SHISA9: variants seen among roughly 807,000 people sequenced by gnomAD.
The protein encoded by SHISA9 is shisa family member 9, also known as protein shisa-9.
SHISA9 carries 13 observed loss-of-function variants against 38.0 expected under a neutral mutation model. The ratio of observed to expected loss-of-function variants is 0.34; its 90% CI spans 0.22 to 0.54. SHISA9 has a LOEUF of 0.54. Among genes scored for constraint, SHISA9 ranks in the 20% least tolerant of loss-of-function variants. The pLI, the probability that SHISA9 is intolerant of heterozygous loss-of-function variation, is 0.91. For synonymous variants in SHISA9, 275 were observed against 242.0 expected (o/e 1.14, Z -1.27); for missense variants, 538 against 575.8 (o/e 0.93, Z 0.67).
At chr16:13,222,704 T>C (rs2051238815) in intron 4 of SHISA9, among the ~76,000 whole-genome samples, 1 of 152,074 alleles carries the variant, frequency 6.6e-6, no homozygotes, top group Non-Finnish European at 1.5e-5. Context: ...TTTCAGGAGA[T>C]GTACCATGCA....
At chr16:12,953,668 A>T (rs2071789952) in intron 2 of SHISA9, among the ~76,000 whole-genome samples, 1 of 152,062 alleles carries the variant, frequency 6.6e-6, no homozygotes, top group South Asian at 2.1e-4. Context: ...ATTAGATAAG[A>T]TATTGTGTCA....
chr16:13,123,185 T>G (rs927804466), intron 2 of SHISA9, among the ~76,000 whole-genome samples: 12 of 151,870 alleles, frequency 7.9e-5, no homozygotes, highest in Non-Finnish European at 1.8e-4. Flanking sequence ...TGAGGATGTA[T>G]GGGAGACAGA....
At chr16:13,243,954 G>C (rs960474855), downstream of SHISA9, among the ~76,000 whole-genome samples, 1 of 151,950 alleles carries the variant, frequency 6.6e-6, no homozygotes, top group Non-Finnish European at 1.5e-5. Context: ...TTGTCTTTTA[G>C]TAGAGATGGG....
At chr16:13,487,774 T>A in the SHISA9 span, among the ~76,000 whole-genome samples, 1 of 152,200 alleles carries the variant, frequency 6.6e-6, no homozygotes, top group Non-Finnish European at 1.5e-5. Flanking sequence ...CATTGTTATA[T>A]TGTTATCTGT....
intron 2 of SHISA9, among the ~76,000 whole-genome samples, chr16:12,917,872 T>G (rs1295112066): frequency 6.6e-6 from 1 of 152,220 alleles, no homozygotes; most frequent in Non-Finnish European, 1.5e-5. Context: ...TGCTGAATCA[T>G]AGTTTTGGAC....
intron 2 of SHISA9, among the ~76,000 whole-genome samples, chr16:13,190,664 G>T (rs568313750): frequency 2.0e-5 from 3 of 152,150 alleles, no homozygotes; most frequent in Non-Finnish European, 4.4e-5. Context: ...CTGCGGATCT[G>T]CCTCCTACCC....
At chr16:13,029,496 C>G (rs2072965466) in intron 2 of SHISA9, among the ~76,000 whole-genome samples, 1 of 152,156 alleles carries the variant, frequency 6.6e-6, no homozygotes, top group Non-Finnish European at 1.5e-5. Flanking sequence ...TGGTCCGAGC[C>G]TACTCGGGAG....
At chr16:13,280,168 C>A in the SHISA9 span, among the ~76,000 whole-genome samples, 12 of 103,832 alleles carry the variant, frequency 1.2e-4, no homozygotes, top group South Asian at 3.6e-3. Context: ...TTTATATCAA[C>A]TTTATTGAAA....
chr16:13,449,489 C>T, the SHISA9 span, among the ~76,000 whole-genome samples: 1 of 152,094 alleles, frequency 6.6e-6, no homozygotes, highest in Non-Finnish European at 1.5e-5. Flanking sequence ...GAGGGAACTT[C>T]CTGGAGTGAT....
At chr16:13,162,031 G>C (rs960274772) in intron 2 of SHISA9, among the ~76,000 whole-genome samples, 3 of 152,124 alleles carry the variant, frequency 2.0e-5, no homozygotes, top group African/African-American at 7.2e-5. Flanking sequence ...ACCAACCTTG[G>C]ATTAATTAGA....
chr16:13,262,631 T>TGGACGGAAGGAAGGAAGGAAGGAA, the SHISA9 span, among the ~76,000 whole-genome samples: 1 of 78,014 alleles, frequency 1.3e-5, no homozygotes, highest in South Asian at 4.6e-4. Context: ...ATTGTTATTG[T>TGGACGGAAGGAAGGAAGGAAGGAA]GGAAGGAAGG....
At chr16:12,975,656 C>A (rs12935522) in intron 2 of SHISA9, among the ~76,000 whole-genome samples, 2,257 of 109,528 alleles carry the variant, frequency 0.021, 94 homozygotes, top group African/African-American at 0.08. Context: ...GGGACGGGGG[C>A]GGGGGGGGTA....
chr16:13,445,835 A>G, the SHISA9 span, among the ~76,000 whole-genome samples: 3 of 152,184 alleles, frequency 2.0e-5, no homozygotes, highest in Admixed American at 1.3e-4. Context: ...AACCTCTCTG[A>G]GCCTCTGTTT....
At chr16:13,410,828 T>C in the SHISA9 span, among the ~76,000 whole-genome samples, 1 of 152,208 alleles carries the variant, frequency 6.6e-6, no homozygotes, top group Non-Finnish European at 1.5e-5. Flanking sequence ...GTGAAAAGGA[T>C]ACTATCTGTG....
chr16:13,137,506 A>G (rs1017231728), intron 2 of SHISA9, among the ~76,000 whole-genome samples: 2 of 151,110 alleles, frequency 1.3e-5, no homozygotes, highest in Admixed American at 1.3e-4. Context: ...ACCAGGCTGG[A>G]GTGCAGTGGT....
chr16:13,013,177 G>T (rs1207605521), intron 2 of SHISA9, among the ~76,000 whole-genome samples: 1 of 152,180 alleles, frequency 6.6e-6, no homozygotes, highest in African/African-American at 2.4e-5. Flanking sequence ...CCCTGGGGCT[G>T]GAAGGCTTCC....
intron 2 of SHISA9, among the ~76,000 whole-genome samples, chr16:13,109,825 T>G (rs1380085392): frequency 6.6e-6 from 1 of 152,212 alleles, no homozygotes; most frequent in African/African-American, 2.4e-5. Flanking sequence ...TTCATCCCTG[T>G]CTTAGCAGGT....
chr16:13,464,440 T>G, the SHISA9 span, among the ~76,000 whole-genome samples: 496 of 152,324 alleles, frequency 3.3e-3, 3 homozygotes, highest in African/African-American at 0.011. Flanking sequence ...TGCTATTTCC[T>G]CCAACTCTGG....
chr16:13,287,938 T>C, the SHISA9 span, among the ~76,000 whole-genome samples: 2 of 152,090 alleles, frequency 1.3e-5, no homozygotes, highest in Admixed American at 6.6e-5. Flanking sequence ...CCTTCGCTAA[T>C]GGGTGAATAC....
Sources: gnomAD v4.1 joint callset for allele counts (sites outside exome capture counted in the v4.1 genomes callset) on GRCh38, gnomAD v4.1.1 for gene constraint, MANE v1.5 for transcripts, NCBI Gene and HGNC (gene_info 2026-07-23, HGNC 2026-07-21) for gene names.